CTNND2: variants seen among roughly 807,000 people sequenced by gnomAD.
The protein encoded by CTNND2 is catenin delta 2.
CTNND2 carries 22 observed loss-of-function variants against 144.4 expected under a neutral mutation model. The ratio of observed to expected loss-of-function variants is 0.15; its 90% CI spans 0.11 to 0.22. CTNND2 has a LOEUF of 0.22. Among genes scored for constraint, CTNND2 ranks in the 10% least tolerant of loss-of-function variants. CTNND2 has a pLI of 1.00. For missense variants in CTNND2, 1,353 were observed against 1,618.8 expected, an observed-to-expected ratio of 0.84 and a Z score of 2.82; for synonymous variants, 751 against 695.6, an observed-to-expected ratio of 1.08 and a Z score of -1.25.
intron 3 of CTNND2, among the ~76,000 whole-genome samples, chr5:11,447,536 A>G (rs936094797): frequency 1.3e-5 from 2 of 152,194 alleles, no homozygotes; most frequent in Admixed American, 6.5e-5. Flanking sequence ...ATAGTGAACA[A>G]TCTATGTGGC....
At chr5:11,886,969 C>T (rs1736581529) in intron 1 of CTNND2, among the ~76,000 whole-genome samples, 2 of 144,292 alleles carry the variant, frequency 1.4e-5, no homozygotes, top group South Asian at 4.4e-4. Flanking sequence ...GTTTTCTATC[C>T]TACTGCTTTT....
chr5:11,159,833 T>A lies in CTNND2; in HGVS notation c.1976-74A>T, dbSNP rs572783106. 198 of 1,233,438 alleles carry A rather than the reference T, an allele frequency of 1.6e-4. No homozygotes were observed. The Middle Eastern group carries it at 2.0e-3, about 12-fold the overall frequency. The allele number at this position is 1,233,438 out of a possible 1,614,324, so 76.4% of individuals were successfully genotyped here. A position where few individuals can be genotyped will look rare whatever the true frequency, so the allele number is the denominator to read the frequency against. ...CATCTCCAAAACTGTCTTCCTTATT[T>A]GAGTTAACGGAACTGGCAGGAAGGA... On this transcript the variant is annotated intron_variant, in intron 11 of 21. Coordinates refer to ENST00000304623, the MANE Select transcript of CTNND2 (RefSeq NM_001332.4).
At chr5:11,840,179 A>C (rs1165819405) in intron 1 of CTNND2, among the ~76,000 whole-genome samples, 3 of 152,172 alleles carry the variant, frequency 2.0e-5, no homozygotes, top group African/African-American at 7.2e-5. Context: ...AGAAAAACCC[A>C]CACACAACCT....
At chr5:11,280,936 G>A (rs1279208600) in intron 9 of CTNND2, among the ~76,000 whole-genome samples, 2 of 152,148 alleles carry the variant, frequency 1.3e-5, no homozygotes, top group Non-Finnish European at 2.9e-5. Context: ...GGTGGTGTAC[G>A]AAATGATGGC....
At chr5:11,391,710 G>T (rs542487139) in intron 6 of CTNND2, among the ~76,000 whole-genome samples, 1 of 152,292 alleles carries the variant, frequency 6.6e-6, no homozygotes, top group Admixed American at 6.5e-5. Flanking sequence ...CTCTTGAGGG[G>T]TGCTGGTTTT....
intron 2 of CTNND2, among the ~76,000 whole-genome samples, chr5:11,688,162 C>CTTA (rs955022292): frequency 1.3e-5 from 2 of 152,144 alleles, no homozygotes; most frequent in African/African-American, 4.8e-5. Context: ...GCTATTACTA[C>CTTA]TTATTAACGT....
chr5:11,117,327 C>T (rs1300584261), intron 13 of CTNND2, 123 bp downstream of exon 13: 3 of 742,914 alleles, frequency 4.0e-6, no homozygotes, highest in South Asian at 1.7e-5. Flanking sequence ...ATAAGGAAAC[C>T]AGGAGAGAGT....
chr5:11,128,772 T>G (rs866285451), intron 12 of CTNND2, among the ~76,000 whole-genome samples: 14,190 of 59,106 alleles, frequency 0.24, 1,816 homozygotes, highest in Admixed American at 0.33. Flanking sequence ...ATATATATTA[T>G]ATATAAAATA....
chr5:11,593,096 A>C (rs1779334317), intron 2 of CTNND2, among the ~76,000 whole-genome samples: 1 of 152,150 alleles, frequency 6.6e-6, no homozygotes, highest in African/African-American at 2.4e-5. Flanking sequence ...GAAGGGCTAG[A>C]TGTGAAAGAT....
chr5:11,346,618 G>A lies in CTNND2; in HGVS notation c.1382C>T (p.Ser461Phe), dbSNP rs1754819192. Residue 461 changes from serine (S) to phenylalanine (F), a missense_variant, in exon 9 of 22, where the codon TCC (serine) becomes TTC (phenylalanine). This residue lies in a region of CTNND2 where 708 missense variants were observed against 706.4 expected (regional missense o/e 1.00). Transcript: ENST00000304623. The stretch of plus-strand genomic sequence containing the variant: ...CAAGGGGACGGAGTCGACACCAGGG[G>A]AAGATGGGGCTACGACAGGAAAGTA... ...GTYRTSTAPS[S>F]PGVDSVPLQR... The A allele has an allele frequency of 1.3e-6, 2 of 1,511,592 alleles. No individual in the cohort carries two copies. The highest frequency in any genetic ancestry group is 1.8e-6 in the Non-Finnish European group (2 of 1,127,854). The allele number at this position is 1,511,592 out of a possible 1,614,324, so 93.6% of individuals were successfully genotyped here. A position where few individuals can be genotyped will look rare whatever the true frequency, so the allele number is the denominator to read the frequency against.
intron 16 of CTNND2, among the ~76,000 whole-genome samples, chr5:11,066,328 G>A (rs1008089980): frequency 5.3e-5 from 8 of 152,186 alleles, no homozygotes; most frequent in Admixed American, 2.0e-4. Context: ...ATGCGCCACC[G>A]CGCCCAGCCT....
chr5:11,573,844 T>A (rs918378760), intron 2 of CTNND2, among the ~76,000 whole-genome samples: 2 of 152,172 alleles, frequency 1.3e-5, no homozygotes, highest in Admixed American at 1.3e-4. Flanking sequence ...CAGTGTTCCA[T>A]CTGCTTTTGC....
chr5:11,149,740 C>T (rs1757572426), intron 12 of CTNND2, among the ~76,000 whole-genome samples: 1 of 151,996 alleles, frequency 6.6e-6, no homozygotes, highest in Non-Finnish European at 1.5e-5. Flanking sequence ...GAGGAAGAGC[C>T]CAGGGTCCTA....
At chr5:11,426,449 C>T (rs533077859) in intron 3 of CTNND2, among the ~76,000 whole-genome samples, 22 of 152,324 alleles carry the variant, frequency 1.4e-4, no homozygotes, top group African/African-American at 5.3e-4. Context: ...CTCTGGACAA[C>T]TCTATCTTTG....
At chr5:11,637,912 T>C (rs549961923) in intron 2 of CTNND2, among the ~76,000 whole-genome samples, 49 of 152,304 alleles carry the variant, frequency 3.2e-4, no homozygotes, top group Admixed American at 1.2e-3. Context: ...ACTAATTGAA[T>C]ATAGGATAAA....
intron 1 of CTNND2, among the ~76,000 whole-genome samples, chr5:11,779,535 G>C (rs192376060): frequency 6.6e-6 from 1 of 152,308 alleles, no homozygotes; most frequent in African/African-American, 2.4e-5. Flanking sequence ...ATGTAACATG[G>C]GTTATGGCAT....
chr5:11,193,958 T>C (rs898274929), intron 11 of CTNND2, among the ~76,000 whole-genome samples: 2 of 152,252 alleles, frequency 1.3e-5, no homozygotes, highest in Non-Finnish European at 2.9e-5. Context: ...ATTTATACTT[T>C]GTTTAATATT....
intron 2 of CTNND2, among the ~76,000 whole-genome samples, chr5:11,602,669 T>C (rs904632066): frequency 6.8e-6 from 1 of 146,506 alleles, no homozygotes; most frequent in Admixed American, 6.9e-5. Flanking sequence ...TTATATATAA[T>C]ATATATTATA....
intron 2 of CTNND2, among the ~76,000 whole-genome samples, chr5:11,607,779 C>T (rs1052089596): frequency 3.9e-5 from 6 of 152,144 alleles, no homozygotes; most frequent in African/African-American, 1.4e-4. Context: ...AAAACTTGGG[C>T]TGAAAGTCTG....
Sources: allele counts gnomAD v4.1 joint callset (sites outside exome capture counted in the v4.1 genomes callset), GRCh38; gene constraint gnomAD v4.1.1; regional missense constraint gnomAD v4.1.1; transcripts MANE v1.5; gene names NCBI Gene and HGNC (gene_info 2026-07-23, HGNC 2026-07-21).